Variants in CT45A10 observed in about 807,000 individuals in gnomAD.
The protein encoded by CT45A10 is cancer/testis antigen family 45 member A10.
In CT45A10, 19 loss-of-function variants were observed where a neutral mutation model predicts 8.3. That is an observed-to-expected ratio of 2.30 (90% CI 1.61 to 3.38). CT45A10 has a LOEUF of 3.38. CT45A10 is among the 30% of genes most tolerant of loss of function. The pLI is 0.00. For synonymous variants in CT45A10, 28 were observed against 26.5 expected, an observed-to-expected ratio of 1.06 and a Z score of -0.17; for missense variants, 149 against 85.9, an observed-to-expected ratio of 1.73 and a Z score of -2.90.
intron 4 of CT45A10, 145 bp downstream of exon 4, chrX:135,882,391 T>A: frequency 3.7e-6 from 2 of 541,836 alleles, no homozygotes; most frequent in South Asian, 6.7e-5. Flanking sequence ...AACATTAGCC[T>A]AAGTAACTGT....
intron 1 of CT45A10, among the ~76,000 whole-genome samples, chrX:135,889,578 C>T (rs782087414): frequency 9.0e-6 from 1 of 111,483 alleles, no homozygotes; most frequent in Non-Finnish European, 1.9e-5. Context: ...CGACCGGGCG[C>T]AGTGGCTCAC....
At chrX:135,893,068 G>A (rs1041591101) in intron 1 of CT45A10, among the ~76,000 whole-genome samples, 2 of 109,889 alleles carry the variant, frequency 1.8e-5, no homozygotes, top group African/African-American at 6.6e-5. Context: ...ATTTCAGCAG[G>A]AAAAGCCCCT....
chrX:135,883,091 A>C lies in CT45A10; in HGVS notation c.335T>G (p.Ile112Arg). The change falls in exon 3 of 5, where the codon ATA (isoleucine) becomes AGA (arginine). Residue 112 changes from isoleucine to arginine, a missense_variant. Ile to Arg is a moderately conservative substitution (Grantham distance 97, BLOSUM62 -3). Transcript: ENST00000682849. ...TTGTTGGCTTTTGGGAGAGGAGGCT[A>C]TTCCTCTGCATTCTAGGTCATCTCC... ...FSGDDLECRG[I>R]ASSPKSQQEI... 3 of 1,198,412 alleles carry C rather than the reference A, an allele frequency of 2.5e-6. 1 individual carries two copies. The highest frequency in any genetic ancestry group is 3.5e-5 in the African/African-American group (2 of 56,980).
chrX:135,889,507 A>G (rs1335503450), intron 1 of CT45A10, among the ~76,000 whole-genome samples: 1 of 110,340 alleles, frequency 9.1e-6, no homozygotes, highest in Non-Finnish European at 1.9e-5. Flanking sequence ...AAAGAAAAAG[A>G]AGCAACAACA....
intron 1 of CT45A10, among the ~76,000 whole-genome samples, chrX:135,892,350 T>C (rs1350051612): frequency 8.9e-6 from 1 of 111,751 alleles, no homozygotes; most frequent in Admixed American, 9.5e-5. Context: ...ATCACTACAC[T>C]CCCAAAGAGT....
intron 1 of CT45A10, among the ~76,000 whole-genome samples, chrX:135,892,607 T>TC (rs1556590657): frequency 9.3e-6 from 1 of 107,952 alleles, no homozygotes; most frequent in Non-Finnish European, 1.9e-5. Flanking sequence ...GTTCCCCGAG[T>TC]CCCACCACAG....
At chrX:135,890,960 G>C (rs1333659095) in intron 1 of CT45A10, among the ~76,000 whole-genome samples, 13 of 111,661 alleles carry the variant, frequency 1.2e-4, no homozygotes, top group African/African-American at 4.2e-4. Flanking sequence ...CAAGGGCAGA[G>C]GACACAGAGG....
chrX:135,882,994 C>G lies in CT45A10; in HGVS notation c.418+14G>C. 8.4e-7 allele frequency: 1 copy of G among 1,196,140 alleles called. No individual in the cohort carries two copies. The highest frequency in any genetic ancestry group is 1.1e-6 in the Non-Finnish European group (1 of 884,084). On this transcript the variant is annotated intron_variant, in intron 3 of 4. Transcript: ENST00000682849. ...CCTACAGTTTTATAAAACAGACGTT[C>G]TTACACTACTTACTTCGTCCAAGGC... is the stretch of plus-strand genomic sequence containing the variant.
chrX:135,891,791 T>A (rs1441776898), intron 1 of CT45A10, among the ~76,000 whole-genome samples: 1 of 111,414 alleles, frequency 9.0e-6, no homozygotes, highest in Non-Finnish European at 1.9e-5. Flanking sequence ...TGAGATAGTG[T>A]AAAAGCAAAA....
At chrX:135,891,200 T>G (rs1484463816) in intron 1 of CT45A10, among the ~76,000 whole-genome samples, 16 of 111,195 alleles carry the variant, frequency 1.4e-4, no homozygotes, top group African/African-American at 4.6e-4. Flanking sequence ...CCAAGGTGTT[T>G]TTGATTAGGA....
intron 1 of CT45A10, among the ~76,000 whole-genome samples, chrX:135,892,331 T>C (rs2088513538): frequency 9.0e-6 from 1 of 111,671 alleles, no homozygotes; most frequent in Non-Finnish European, 1.9e-5. Flanking sequence ...AGTGTAGACA[T>C]AAGGAGAGAT....
chrX:135,882,652 T>A lies in CT45A10; in HGVS notation c.419-23A>T, dbSNP rs2088393100. ...ATTCTGAAGATGTTGAAAAAAAAAC[T>A]TCAGTATTATCAAATATAAAGAAGA... On this transcript the variant is annotated intron_variant, in intron 3 of 4. Coordinates refer to ENST00000682849, the MANE Select transcript of CT45A10 (RefSeq NM_001291529.2). 6.1e-6 allele frequency: 7 copies of A among 1,154,108 alleles called. No individual in the cohort carries two copies. In the African/African-American group the frequency reaches 1.1e-4, roughly 18 times the overall value.
intron 1 of CT45A10, chrX:135,889,163 T>C: frequency 3.5e-6 from 2 of 566,607 alleles, no homozygotes; most frequent in Non-Finnish European, 4.3e-6. Flanking sequence ...GCCCTCCCCT[T>C]CGTTGACTCT....
At chrX:135,889,285 T>A (rs5975626) in intron 1 of CT45A10, 1 of 122,319 alleles carries the variant, frequency 8.2e-6, no homozygotes, top group Non-Finnish European at 1.6e-5. Context: ...AGTGAGACCC[T>A]GGCTCTACAG....
Position 135,883,162 on chromosome X carries a change from A to G in CT45A10, c.264T>C (p.Pro88=). The G allele has an allele frequency of 1.7e-6, 2 of 1,198,801 alleles. No homozygotes were observed. The highest frequency in any genetic ancestry group is 2.3e-6 in the Non-Finnish European group (2 of 885,927). Residue 88 remains proline (P), a synonymous_variant, in exon 3 of 5, where the codon CCT becomes CCC. Transcript: ENST00000682849. ...GFSKDGMMQK[P]GSNAPVGGNV... ...TTCCTCCCACAGGTGCATTGCTACC[A>G]GGTTTCTGCATCATCCCATCTTTGC... is the stretch of plus-strand genomic sequence containing the variant.
intron 3 of CT45A10, 39 bp downstream of exon 3, chrX:135,882,969 C>T: frequency 8.4e-7 from 1 of 1,184,183 alleles, no homozygotes; most frequent in Non-Finnish European, 1.1e-6. Flanking sequence ...AGAGTGACTT[C>T]CTACAGTTTT....
rs1445052534 is a variant in CT45A10, at chrX:135,883,210, C to G, written c.216G>C (p.Gln72His). 1.2e-4 allele frequency: 140 copies of G among 1,196,140 alleles called. 2 individuals carry two copies. The Middle Eastern group carries it at 2.9e-3, about 25-fold the overall frequency. Residue 72 changes from glutamine to histidine, a missense_variant, in exon 3 of 5, where the codon CAG (glutamine) becomes CAC (histidine). Physicochemically the swap from Gln to His is conservative, Grantham distance 24. Transcript: ENST00000682849. ...TGCTGAAACCAGTGAAGTCATCAAT[C>G]TGAGAATCCAATTGGCTGGGTGGAA... ...HAIPPSQLDS[Q>H]IDDFTGFSKD...
chrX:135,892,997 C>T (rs188231646), intron 1 of CT45A10, among the ~76,000 whole-genome samples: 5 of 110,486 alleles, frequency 4.5e-5, no homozygotes, highest in South Asian at 4.0e-4. Context: ...GGAAGAAACA[C>T]GGCCACACCC....
intron 1 of CT45A10, among the ~76,000 whole-genome samples, chrX:135,892,142 A>G (rs1020291415): frequency 9.0e-6 from 1 of 111,552 alleles, no homozygotes; most frequent in African/African-American, 3.3e-5. Context: ...GCAATTTGGC[A>G]AAACCCCATC....
Sources: allele counts gnomAD v4.1 joint callset (sites outside exome capture counted in the v4.1 genomes callset), GRCh38; gene constraint gnomAD v4.1.1; transcripts MANE v1.5; gene names NCBI Gene and HGNC (gene_info 2026-07-23, HGNC 2026-07-21).